Variants in TRHDE observed in about 807,000 individuals in gnomAD.
The protein encoded by TRHDE is thyrotropin-releasing hormone-degrading ectoenzyme.
In TRHDE, 72 loss-of-function variants were observed where a neutral mutation model predicts 125.7. That is an observed-to-expected ratio of 0.57 (90% CI 0.47 to 0.70). The LOEUF (loss-of-function observed/expected upper bound fraction) is 0.70, where lower values mean the gene tolerates loss of function less well. Ranked by LOEUF, TRHDE falls within the 30% of genes least tolerant of loss-of-function variation. TRHDE has a pLI of 0.00. For missense variants in TRHDE, 1,110 were observed against 1,327.1 expected, an observed-to-expected ratio of 0.84 and a Z score of 2.54; for synonymous variants, 509 against 509.1, an observed-to-expected ratio of 1.00 and a Z score of 0.00.
At chr12:72,542,243 C>T (rs921916356) in intron 6 of TRHDE, 48 bp from the exon 7 acceptor site, 12 of 1,427,576 alleles carry the variant, frequency 8.4e-6, no homozygotes, top group Non-Finnish European at 1.2e-5. Flanking sequence ...ACTTTACAAT[C>T]ATGATACTTT....
At chr12:72,210,309 T>G (rs903429472) in intron 2 of TRHDE, among the ~76,000 whole-genome samples, 2 of 152,158 alleles carry the variant, frequency 1.3e-5, no homozygotes, top group African/African-American at 4.8e-5. Context: ...TGGCTTCTTC[T>G]TGACATGACA....
intron 15 of TRHDE, 67 bp downstream of exon 15, chr12:72,621,818 A>T: frequency 8.5e-7 from 1 of 1,182,360 alleles, no homozygotes; most frequent in Non-Finnish European, 1.2e-6. Flanking sequence ...CAGTGGATGC[A>T]TTTCATTTAC....
chr12:72,292,623 C>T (rs1479694988), intron 2 of TRHDE, among the ~76,000 whole-genome samples: 1 of 152,090 alleles, frequency 6.6e-6, no homozygotes, highest in Non-Finnish European at 1.5e-5. Context: ...ACAAAGGTCC[C>T]CTTTCCTTCA....
chr12:72,161,969 C>T (rs1876647080), intron 2 of TRHDE, among the ~76,000 whole-genome samples: 1 of 152,146 alleles, frequency 6.6e-6, no homozygotes, highest in African/African-American at 2.4e-5. Flanking sequence ...GTTTTGTAGG[C>T]ATGTCTATAC....
chr12:72,649,414 A>T (rs1313811597), intron 15 of TRHDE, among the ~76,000 whole-genome samples: 1 of 152,154 alleles, frequency 6.6e-6, no homozygotes. Flanking sequence ...AAATGAATTA[A>T]AGAGTTAAAT....
chr12:72,597,529 G>T (rs1023654146), intron 12 of TRHDE, among the ~76,000 whole-genome samples: 1 of 151,020 alleles, frequency 6.6e-6, no homozygotes, highest in South Asian at 2.1e-4. Flanking sequence ...TTAGCCAGGC[G>T]TGGTGGCATG....
chr12:72,534,015 A>G (rs1348176200), intron 6 of TRHDE, among the ~76,000 whole-genome samples: 1 of 152,092 alleles, frequency 6.6e-6, no homozygotes, highest in Non-Finnish European at 1.5e-5. Flanking sequence ...GGCAGAGGAG[A>G]TTGATGAGTA....
chr12:72,142,158 A>G (rs1420551110), intron 2 of TRHDE, among the ~76,000 whole-genome samples: 1 of 152,148 alleles, frequency 6.6e-6, no homozygotes, highest in Admixed American at 6.5e-5. Context: ...AAGGGTAAAA[A>G]GGACACTGCA....
intron 2 of TRHDE, among the ~76,000 whole-genome samples, chr12:72,362,470 G>A (rs1056798509): frequency 4.6e-5 from 7 of 151,996 alleles, no homozygotes; most frequent in Admixed American, 1.3e-4. Flanking sequence ...CTAGCCCTTT[G>A]TCAGATGAGT....
At chr12:72,358,396 C>G (rs1870917794) in intron 2 of TRHDE, among the ~76,000 whole-genome samples, 1 of 151,562 alleles carries the variant, frequency 6.6e-6, no homozygotes, top group South Asian at 2.1e-4. Flanking sequence ...TATTTCTATT[C>G]CTCATGATTT....
chr12:72,575,250 T>C lies in TRHDE; in HGVS notation c.2132-5T>C. ...TGAAATCTATCCCAAAAATGCTTTT[T>C]TCAGAGCACCACAGAATAACTTATT... On this transcript the variant is annotated splice_polypyrimidine_tract_variant and splice_region_variant and intron_variant, in intron 10 of 18. Transcript: ENST00000261180. The C allele has an allele frequency of 6.2e-7, 1 of 1,611,026 alleles. No individual in the cohort carries two copies. Among genetic ancestry groups the C allele is most frequent in the Non-Finnish European group, 8.5e-7 (1 of 1,179,134 alleles).
chr12:72,302,316 G>A (rs1242070395), intron 2 of TRHDE, among the ~76,000 whole-genome samples: 1 of 151,858 alleles, frequency 6.6e-6, no homozygotes, highest in African/African-American at 2.4e-5. Context: ...TTATCAGGCT[G>A]TGATTAAAGG....
chr12:72,567,586 C>T (rs933745966), intron 9 of TRHDE, among the ~76,000 whole-genome samples: 1 of 151,980 alleles, frequency 6.6e-6, no homozygotes, highest in African/African-American at 2.4e-5. Context: ...TATCCCCAGG[C>T]ATGTTTCCCG....
intron 3 of TRHDE, among the ~76,000 whole-genome samples, chr12:72,401,745 CA>C (rs1432247211): frequency 6.6e-6 from 1 of 152,030 alleles, no homozygotes; most frequent in Admixed American, 6.6e-5. Context: ...AATAGATGAG[CA>C]AGGAGGAACC....
chr12:72,464,868 G>T (rs1162676078), intron 3 of TRHDE, among the ~76,000 whole-genome samples: 3 of 152,112 alleles, frequency 2.0e-5, no homozygotes. Context: ...CAAACAAGTA[G>T]AGCAAGTCAG....
intron 2 of TRHDE, among the ~76,000 whole-genome samples, chr12:72,337,708 C>G (rs761681263): frequency 1.6e-4 from 24 of 152,010 alleles, no homozygotes; most frequent in Non-Finnish European, 3.1e-4. Flanking sequence ...TTGAGTCAGA[C>G]GAGTTCCTGC....
In TRHDE at chr12:72,661,531, G is replaced by A. The variant is rs546031866; in HGVS notation, c.3067-1521G>A. On this transcript the variant is annotated intron_variant, in intron 18 of 18. Transcript: ENST00000261180. ...CAAAATTCAAAACATAGATCAAAAT[G>A]TATTACTTTTTGCCTTAAGGATATA... Among the ~76,000 whole-genome samples the A allele has an allele frequency of 5.3e-5, 8 of 152,178 alleles. No homozygotes were observed. The South Asian group carries it at 1.7e-3, about 32-fold the overall frequency.
intron 6 of TRHDE, among the ~76,000 whole-genome samples, chr12:72,535,338 T>A (rs1257185430): frequency 6.6e-6 from 1 of 152,054 alleles, no homozygotes; most frequent in Non-Finnish European, 1.5e-5. Flanking sequence ...TTAAAATTAG[T>A]CTGATGTGGC....
intron 2 of TRHDE, among the ~76,000 whole-genome samples, chr12:72,158,886 A>G (rs1289488097): frequency 6.6e-6 from 1 of 152,144 alleles, no homozygotes; most frequent in Non-Finnish European, 1.5e-5. Context: ...TGAATTTCTC[A>G]AAACCCATTC....
Sources: gnomAD v4.1 joint callset for allele counts (sites outside exome capture counted in the v4.1 genomes callset) on GRCh38, gnomAD v4.1.1 for gene constraint, MANE v1.5 for transcripts, NCBI Gene and HGNC (gene_info 2026-07-23, HGNC 2026-07-21) for gene names.